PPP1R2: variants seen among roughly 807,000 people sequenced by gnomAD.
PPP1R2 encodes protein phosphatase 1 regulatory inhibitor subunit 2, also known as protein phosphatase inhibitor 2.
A neutral mutation model predicts 29.9 loss-of-function variants in PPP1R2; 16 were observed. The ratio of observed to expected loss-of-function variants is 0.53; its 90% CI spans 0.36 to 0.81. PPP1R2 has a LOEUF of 0.81. PPP1R2 is among the 30% of genes least tolerant of loss of function. PPP1R2 has a pLI of 0.00. For synonymous variants in PPP1R2, 76 were observed against 91.5 expected (o/e 0.83, Z 0.96); for missense variants, 197 against 252.7 (o/e 0.78, Z 1.49).
At chr3:195,523,275 T>C in intron 4 of PPP1R2, 1 of 197,412 alleles carries the variant, frequency 5.1e-6, no homozygotes. Flanking sequence ...CTGCATCTGA[T>C]CATCTTGGTT....
At chr3:195,537,620 T>C (rs1245105501) in intron 1 of PPP1R2, among the ~76,000 whole-genome samples, 1 of 152,144 alleles carries the variant, frequency 6.6e-6, no homozygotes, top group Non-Finnish European at 1.5e-5. Flanking sequence ...ATCAGAAATC[T>C]TCCCATAAAT....
chr3:195,524,737 G>A, intron 3 of PPP1R2, 82 bp downstream of exon 3: 6 of 1,325,976 alleles, frequency 4.5e-6, no homozygotes, highest in Non-Finnish European at 6.5e-6. Flanking sequence ...CGCTCATACA[G>A]GGACAGCCAC....
At chr3:195,542,831 G>GC in intron 1 of PPP1R2, 73 bp downstream of exon 1, 1 of 1,449,048 alleles carries the variant, frequency 6.9e-7, no homozygotes, top group East Asian at 2.7e-5. Context: ...CCGCCCGCCC[G>GC]CCCCTGGGGT....
intron 4 of PPP1R2, among the ~76,000 whole-genome samples, chr3:195,520,363 C>G (rs1718709204): frequency 6.6e-6 from 1 of 152,292 alleles, no homozygotes. Flanking sequence ...CAAAAATGCA[C>G]AGAGGCCAGA....
intron 1 of PPP1R2, among the ~76,000 whole-genome samples, chr3:195,533,481 T>C (rs1283925716): frequency 6.6e-6 from 1 of 152,212 alleles, no homozygotes; most frequent in African/African-American, 2.4e-5. Context: ...TAGTGCAATA[T>C]TGTAAACCTT....
intron 1 of PPP1R2, among the ~76,000 whole-genome samples, chr3:195,540,563 T>C (rs565418134): frequency 1.3e-5 from 2 of 152,340 alleles, no homozygotes; most frequent in African/African-American, 4.8e-5. Context: ...AATGTGGCAG[T>C]GTGGAGAGGC....
chr3:195,530,167 A>G (rs1719125537), intron 1 of PPP1R2, among the ~76,000 whole-genome samples: 1 of 152,244 alleles, frequency 6.6e-6, no homozygotes. Context: ...AAACATTACC[A>G]TACTATGACA....
In PPP1R2 at chr3:195,541,319, A is replaced by G. The variant is rs140035233; in HGVS notation, c.122+1585T>C. Among the ~76,000 whole-genome samples, 17 of 152,310 alleles carry G rather than the reference A, an allele frequency of 1.1e-4. No homozygotes were observed. In the East Asian group the frequency reaches 3.3e-3, roughly 29 times the overall value. On this transcript the variant is annotated intron_variant, in intron 1 of 5. Transcript: ENST00000618156. ...TAACTCACTTGGTAAATGGACCAAA[A>G]GAAACTCACACTGGAGAACAGCTAA...
chr3:195,537,667 T>C (rs1490646448), intron 1 of PPP1R2, among the ~76,000 whole-genome samples: 1 of 151,258 alleles, frequency 6.6e-6, no homozygotes, highest in Non-Finnish European at 1.5e-5. Flanking sequence ...ACATTTTATA[T>C]AACTTCAATT....
intron 5 of PPP1R2, 99 bp downstream of exon 5, chr3:195,518,919 A>C: frequency 1.3e-6 from 2 of 1,531,690 alleles, no homozygotes; most frequent in Non-Finnish European, 1.7e-6. Context: ...AATCTCAGCA[A>C]AATTTTCTGT....
chr3:195,538,872 A>G (rs1457562272), intron 1 of PPP1R2, among the ~76,000 whole-genome samples: 34 of 152,246 alleles, frequency 2.2e-4, no homozygotes, highest in Admixed American at 2.2e-3. Flanking sequence ...CACAGATATA[A>G]TGAATAATTC....
chr3:195,530,777 G>A (rs1255533066), intron 1 of PPP1R2, among the ~76,000 whole-genome samples: 1 of 151,490 alleles, frequency 6.6e-6, no homozygotes, highest in African/African-American at 2.4e-5. Flanking sequence ...GCCTGCCTTG[G>A]CCTCCCAAAG....
At chr3:195,521,553 T>A (rs76496924) in intron 4 of PPP1R2, among the ~76,000 whole-genome samples, 7,258 of 152,126 alleles carry the variant, frequency 0.048, 282 homozygotes, top group South Asian at 0.17. Context: ...ATTTTCAATG[T>A]TTTTAAGACT....
At chr3:195,534,566 C>A (rs138667266) in intron 1 of PPP1R2, among the ~76,000 whole-genome samples, 1 of 152,096 alleles carries the variant, frequency 6.6e-6, no homozygotes, top group Non-Finnish European at 1.5e-5. Context: ...AACCCCGGAG[C>A]CTTGAAGGGA....
At chr3:195,526,470 G>A (rs904613697) in intron 2 of PPP1R2, among the ~76,000 whole-genome samples, 4 of 152,086 alleles carry the variant, frequency 2.6e-5, no homozygotes, top group Admixed American at 6.5e-5. Context: ...ACTGATAAAA[G>A]CAGGACACAG....
At chr3:195,522,907 G>T (rs1239473029) in intron 4 of PPP1R2, among the ~76,000 whole-genome samples, 1 of 152,108 alleles carries the variant, frequency 6.6e-6, no homozygotes, top group African/African-American at 2.4e-5. Flanking sequence ...TTTTTTGTGA[G>T]TATGTGCTTT....
intron 1 of PPP1R2, among the ~76,000 whole-genome samples, chr3:195,533,587 T>G (rs1363824142): frequency 6.6e-6 from 1 of 152,182 alleles, no homozygotes; most frequent in Non-Finnish European, 1.5e-5. Flanking sequence ...AGTAGAACGC[T>G]TGATGAGTAC....
At chr3:195,533,705 C>T (rs1049476333) in intron 1 of PPP1R2, among the ~76,000 whole-genome samples, 3 of 152,206 alleles carry the variant, frequency 2.0e-5, no homozygotes, top group Non-Finnish European at 4.4e-5. Flanking sequence ...AAAGCTGTCA[C>T]TGCAGTAGCG....
intron 1 of PPP1R2, among the ~76,000 whole-genome samples, chr3:195,538,777 C>A (rs1414104041): frequency 2.6e-5 from 4 of 151,894 alleles, no homozygotes; most frequent in African/African-American, 9.7e-5. Context: ...ATATTTATTT[C>A]TATTACAATA....
Sources: gnomAD v4.1 joint callset for allele counts (sites outside exome capture counted in the v4.1 genomes callset) on GRCh38, gnomAD v4.1.1 for gene constraint, MANE v1.5 for transcripts, NCBI Gene and HGNC (gene_info 2026-07-23, HGNC 2026-07-21) for gene names.